VSNL1: variants seen among roughly 807,000 people sequenced by gnomAD.
VSNL1 encodes the protein visinin-like protein 1.
Under a neutral mutation model 20.4 loss-of-function variants are expected in VSNL1, and 6 were observed. The observed-to-expected ratio is 0.29, with a 90% CI of 0.16 to 0.58. The LOEUF (loss-of-function observed/expected upper bound fraction) is 0.58. VSNL1 is among the 20% of genes least tolerant of loss of function. VSNL1 has a pLI of 0.90. For synonymous variants in VSNL1, 93 were observed against 86.4 expected, an observed-to-expected ratio of 1.08 and a Z score of -0.42; for missense variants, 100 against 234.5, an observed-to-expected ratio of 0.43 and a Z score of 3.75.
intron 1 of VSNL1, among the ~76,000 whole-genome samples, chr2:17,575,525 C>CT (rs944110696): frequency 4.0e-5 from 6 of 151,336 alleles, no homozygotes; most frequent in African/African-American, 9.7e-5. Flanking sequence ...TCACAAATAT[C>CT]TTTTTTTTTA....
chr2:17,611,460 T>C (rs1665084497), intron 2 of VSNL1, among the ~76,000 whole-genome samples: 1 of 152,198 alleles, frequency 6.6e-6, no homozygotes, highest in Non-Finnish European at 1.5e-5. Flanking sequence ...AAGACAAAGC[T>C]TGAATAGAGA....
intron 1 of VSNL1, among the ~76,000 whole-genome samples, chr2:17,550,878 AG>A (rs1477478675): frequency 6.6e-6 from 1 of 152,248 alleles, no homozygotes; most frequent in African/African-American, 2.4e-5. Flanking sequence ...GTTGCTTCTC[AG>A]TCCTCTTAGC....
At chr2:17,606,450 A>G (rs1285790239) in intron 2 of VSNL1, among the ~76,000 whole-genome samples, 1 of 152,188 alleles carries the variant, frequency 6.6e-6, no homozygotes, top group Non-Finnish European at 1.5e-5. Flanking sequence ...CCTGCTTCCC[A>G]GAGCAGTGGT....
intron 1 of VSNL1, among the ~76,000 whole-genome samples, chr2:17,582,759 G>A (rs1664380296): frequency 6.6e-6 from 1 of 151,782 alleles, no homozygotes; most frequent in Admixed American, 6.6e-5. Context: ...TGTGGTGGTA[G>A]AATACAATGG....
chr2:17,600,445 C>T (rs1664799149), intron 2 of VSNL1, among the ~76,000 whole-genome samples: 1 of 152,180 alleles, frequency 6.6e-6, no homozygotes, highest in Non-Finnish European at 1.5e-5. Context: ...GTTTATTGGG[C>T]TGTGGCATCA....
intron 2 of VSNL1, among the ~76,000 whole-genome samples, chr2:17,597,438 G>C (rs1292921287): frequency 1.3e-5 from 2 of 152,214 alleles, no homozygotes; most frequent in Middle Eastern, 3.4e-3. Context: ...ATTGGGCTCT[G>C]GCCCACCTCT....
intron 1 of VSNL1, among the ~76,000 whole-genome samples, chr2:17,578,044 A>C (rs1664258321): frequency 6.6e-6 from 1 of 152,220 alleles, no homozygotes; most frequent in African/African-American, 2.4e-5. Flanking sequence ...CATAGTGAGC[A>C]CTTGATCATA....
In VSNL1 at chr2:17,589,188, G is replaced by A. The variant is rs182243037; in HGVS notation, c.-5-2882G>A. ...GGGGGGAAGTCATTCTAGGAGAAGA[G>A]AACAGCATATGCAGAGCCATGGAAG... On this transcript the variant is annotated intron_variant, in intron 1 of 3. Transcript: ENST00000295156. Among the ~76,000 whole-genome samples the A allele has an allele frequency of 1.5e-4, 23 of 152,220 alleles. No homozygotes were observed. The East Asian group carries it at 4.1e-3, about 27-fold the overall frequency.
intron 2 of VSNL1, among the ~76,000 whole-genome samples, chr2:17,643,508 G>A (rs1572219474): frequency 6.6e-6 from 1 of 152,128 alleles, no homozygotes. Flanking sequence ...GCCTCGAAAC[G>A]ATCTGTTTGC....
At chr2:17,572,715 G>T (rs542642069) in intron 1 of VSNL1, among the ~76,000 whole-genome samples, 1 of 152,154 alleles carries the variant, frequency 6.6e-6, no homozygotes, top group South Asian at 2.1e-4. Flanking sequence ...TTTCCCTCAG[G>T]TTATCCTGCC....
rs114339616 is a variant in VSNL1, at chr2:17,643,144, C to T, written c.163-6266C>T. 4.0e-3 allele frequency among the ~76,000 whole-genome samples: 614 copies of T among 152,280 alleles called. 4 individuals are homozygous for T. The highest frequency in any genetic ancestry group is 7.6e-3 in the Non-Finnish European group (517 of 68,030). The stretch of plus-strand genomic sequence containing the variant: ...AGACCAGACCTTCTATCTTCTTATG[C>T]GTGGTTGCCTCTCCTCACTCTCCCT... On this transcript the variant is annotated intron_variant, in intron 2 of 3. Coordinates refer to ENST00000295156, the MANE Select transcript of VSNL1 (RefSeq NM_003385.5).
At chr2:17,560,399 G>T (rs1439660577) in intron 1 of VSNL1, among the ~76,000 whole-genome samples, 1 of 151,986 alleles carries the variant, frequency 6.6e-6, no homozygotes, top group Non-Finnish European at 1.5e-5. Context: ...AAATAATATG[G>T]AATAGGCATA....
intron 1 of VSNL1, among the ~76,000 whole-genome samples, chr2:17,545,659 C>T (rs949744031): frequency 6.6e-6 from 1 of 152,058 alleles, no homozygotes; most frequent in African/African-American, 2.4e-5. Flanking sequence ...AAATAGTTTG[C>T]GTTGCTCCCA....
intron 1 of VSNL1, among the ~76,000 whole-genome samples, chr2:17,581,672 G>C (rs2103365828): frequency 6.6e-6 from 1 of 152,244 alleles, no homozygotes; most frequent in South Asian, 2.1e-4. Context: ...TGGTTTCCTA[G>C]AAAGAAGCGT....
At chr2:17,561,269 G>A (rs1030717731) in intron 1 of VSNL1, among the ~76,000 whole-genome samples, 3 of 152,156 alleles carry the variant, frequency 2.0e-5, no homozygotes. Flanking sequence ...CAGAGACAAA[G>A]TGGCATTTGT....
Position 17,572,696 on chromosome 2 carries a change from G to T in VSNL1, c.-5-19374G>T, listed in dbSNP as rs574124267. ...AAGGCTGGGATTTAAATCTAACTCT[G>T]TCTCACCCTTTCCCTCAGGTTATCC... is the stretch of plus-strand genomic sequence containing the variant. On this transcript the variant is annotated intron_variant, in intron 1 of 3. Coordinates refer to ENST00000295156, the MANE Select transcript of VSNL1 (RefSeq NM_003385.5). 1.1e-4 allele frequency among the ~76,000 whole-genome samples: 17 copies of T among 152,286 alleles called. No homozygotes were observed. The South Asian group carries it at 2.7e-3, about 24-fold the overall frequency.
chr2:17,576,270 G>T (rs1461115540), intron 1 of VSNL1, among the ~76,000 whole-genome samples: 1 of 152,146 alleles, frequency 6.6e-6, no homozygotes, highest in Non-Finnish European at 1.5e-5. Flanking sequence ...ACAATTTTAT[G>T]TTCCACTCAG....
rs927439245 is a variant in VSNL1 at position 17,646,997 on chromosome 2, C to A, written c.163-2413C>A. ...GGATAAATTTCCTAAAGGAAACAAC[C>A]CCTCCAGAAATTTGAAGGCTCTTGA... On this transcript the variant is annotated intron_variant, in intron 2 of 3. Transcript: ENST00000295156. Among the ~76,000 whole-genome samples the A allele has an allele frequency of 2.0e-5, 3 of 152,110 alleles. No individual in the cohort carries two copies. In the South Asian group the frequency reaches 6.2e-4, roughly 32 times the overall value.
intron 1 of VSNL1, among the ~76,000 whole-genome samples, chr2:17,551,562 A>G (rs7426093): frequency 1.3e-5 from 2 of 152,192 alleles, no homozygotes; most frequent in Non-Finnish European, 2.9e-5. Context: ...AAAAAATGGC[A>G]TATGATTCAT....
Sources: gnomAD v4.1 joint callset for allele counts (sites outside exome capture counted in the v4.1 genomes callset) on GRCh38, gnomAD v4.1.1 for gene constraint, MANE v1.5 for transcripts, NCBI Gene and HGNC (gene_info 2026-07-23, HGNC 2026-07-21) for gene names.